Variants in CD3G observed in about 807,000 individuals in gnomAD.
CD3G encodes the protein T-cell surface glycoprotein CD3 gamma chain.
Under a neutral mutation model 28.3 loss-of-function variants are expected in CD3G, and 24 were observed. The ratio of observed to expected loss-of-function variants is 0.85; its 90% CI spans 0.61 to 1.19. The LOEUF (loss-of-function observed/expected upper bound fraction) is 1.19, where lower values mean the gene tolerates loss of function less well. Among genes scored for constraint, CD3G ranks in the 50% most tolerant of loss-of-function variants. CD3G has a pLI of 0.00. For missense variants in CD3G, 211 were observed against 210.0 expected, an observed-to-expected ratio of 1.00 and a Z score of -0.03; for synonymous variants, 71 against 75.9, an observed-to-expected ratio of 0.93 and a Z score of 0.34.
intron 5 of CD3G, among the ~76,000 whole-genome samples, 167 bp downstream of exon 5, chr11:118,351,838 G>A (rs1034992448): frequency 5.9e-5 from 9 of 152,048 alleles, no homozygotes; most frequent in Admixed American, 5.2e-4. Context: ...GAGAAGGATT[G>A]ACAGAGACTG....
At chr11:118,345,562 A>C (rs1430488224) in intron 1 of CD3G, among the ~76,000 whole-genome samples, 1 of 152,124 alleles carries the variant, frequency 6.6e-6, no homozygotes, top group Admixed American at 6.6e-5. Context: ...TAGGTAGAGG[A>C]GGAAGTAGAG....
Position 118,351,615 on chromosome 11 carries a change from CT to C in CD3G, c.440-7del, listed in dbSNP as rs747939880. 2.3e-5 allele frequency: 37 copies of C among 1,613,528 alleles called. No homozygotes were observed. The highest frequency in any genetic ancestry group is 2.9e-5 in the Non-Finnish European group (34 of 1,179,766). Reference sequence around the variant, plus strand: ...ATTCTACCTTGTGTGGATTCTGTTTCTTTTTTGTGCAGCTTCAGACAAGCAG... The same window carrying C: ...ATTCTACCTTGTGTGGATTCTGTTTCTTTTTGTGCAGCTTCAGACAAGCAG... On this transcript the variant is annotated splice_polypyrimidine_tract_variant and intron_variant, in intron 4 of 6. Coordinates refer to ENST00000532917, the MANE Select transcript of CD3G (RefSeq NM_000073.3).
intron 4 of CD3G, among the ~76,000 whole-genome samples, chr11:118,351,293 C>T (rs1443394054): frequency 6.6e-6 from 1 of 151,628 alleles, no homozygotes. Context: ...TACACCCATG[C>T]AGCCAGCACA....
intron 1 of CD3G, among the ~76,000 whole-genome samples, chr11:118,348,639 G>A (rs1277621317): frequency 2.0e-5 from 3 of 152,066 alleles, no homozygotes; most frequent in African/African-American, 4.8e-5. Flanking sequence ...TCCCTTCCTG[G>A]GGCTGATACC....
At chr11:118,344,928 A>G (rs372476258) in intron 1 of CD3G, among the ~76,000 whole-genome samples, 3 of 152,370 alleles carry the variant, frequency 2.0e-5, no homozygotes, top group Non-Finnish European at 4.4e-5. Context: ...AGGAAATAAA[A>G]ATGAATAAAA....
intron 1 of CD3G, among the ~76,000 whole-genome samples, chr11:118,345,653 G>T (rs2134065101): frequency 6.6e-6 from 1 of 152,312 alleles, no homozygotes; most frequent in South Asian, 2.1e-4. Context: ...GTAGAGCAAG[G>T]TCCTGGAGTT....
chr11:118,349,112 A>G, intron 2 of CD3G, 62 bp downstream of exon 2: 2 of 1,614,020 alleles, frequency 1.2e-6, no homozygotes, highest in Middle Eastern at 1.7e-4. Context: ...TTGGCTTCCT[A>G]CAACAGTAGT....
intron 6 of CD3G, among the ~76,000 whole-genome samples, chr11:118,352,793 G>C (rs931374801): frequency 3.3e-5 from 5 of 152,056 alleles, no homozygotes; most frequent in African/African-American, 1.2e-4. Context: ...TAACATTTTG[G>C]GCTAATTAAT....
chr11:118,344,940 A>C (rs1262064924), intron 1 of CD3G, among the ~76,000 whole-genome samples: 1 of 152,184 alleles, frequency 6.6e-6, no homozygotes, highest in Non-Finnish European at 1.5e-5. Flanking sequence ...TGAATAAAAC[A>C]CTTATGCTCT....
In CD3G at chr11:118,353,218, T is replaced by C. The variant is rs1389887886; in HGVS notation, c.*118T>C. 6.6e-6 allele frequency: 1 copy of C among 152,096 alleles called. No homozygotes were observed. Among genetic ancestry groups the C allele is most frequent in the Non-Finnish European group, 1.5e-5 (1 of 68,046 alleles). 9.4% of individuals were successfully genotyped at this position (152,096 alleles called of 1,614,324 possible). ...TCAGCCCTAAATCTAGACTCAAGGT[T>C]CCCAGAGATGACAAATGGAGAAGAA... On this transcript the variant is annotated 3_prime_UTR_variant, in exon 7 of 7. Transcript: ENST00000532917.
intron 5 of CD3G, 87 bp from the exon 6 acceptor site, chr11:118,352,317 C>T: frequency 8.9e-7 from 1 of 1,117,568 alleles, no homozygotes; most frequent in Non-Finnish European, 1.4e-6. Context: ...TCCAAATTCT[C>T]ACATATAAAA....
chr11:118,351,775 G>A, intron 5 of CD3G, 104 bp downstream of exon 5: 1 of 993,238 alleles, frequency 1.0e-6, no homozygotes, highest in Non-Finnish European at 1.6e-6. Context: ...GTAAGAAACT[G>A]CTAACAGCAT....
At chr11:118,349,476 G>A in intron 2 of CD3G, 9 of 606,074 alleles carry the variant, frequency 1.5e-5, no homozygotes, top group Non-Finnish European at 2.8e-6. Flanking sequence ...AAATCCCAAA[G>A]TTTTACCCCT....
intron 3 of CD3G, 167 bp downstream of exon 3, chr11:118,350,137 C>T: frequency 3.1e-6 from 2 of 653,250 alleles, no homozygotes; most frequent in Non-Finnish European, 5.3e-6. Context: ...ATACTTCCCT[C>T]ACCCTATTGA....
intron 1 of CD3G, 106 bp from the exon 2 acceptor site, chr11:118,348,921 A>C (rs1948380748): frequency 7.8e-7 from 1 of 1,275,796 alleles, no homozygotes; most frequent in Non-Finnish European, 1.1e-6. Flanking sequence ...ATTTTCATGG[A>C]TTTGGATCTT....
intron 1 of CD3G, among the ~76,000 whole-genome samples, chr11:118,345,828 T>TA (rs1315508757): frequency 1.3e-5 from 2 of 152,152 alleles, no homozygotes; most frequent in Non-Finnish European, 2.9e-5. Context: ...TTCCGTGTTC[T>TA]AAAAAATCCA....
At chr11:118,349,297 T>G in intron 2 of CD3G, 1 of 1,419,336 alleles carries the variant, frequency 7.0e-7, no homozygotes, top group African/African-American at 1.4e-5. Context: ...GGGACACATC[T>G]CAAACTGTGA....
At chr11:118,350,707 A>T in intron 4 of CD3G, 24 bp downstream of exon 4, 1 of 1,613,550 alleles carries the variant, frequency 6.2e-7, no homozygotes, top group South Asian at 1.1e-5. Context: ...CTTAGATGAG[A>T]GATGGGACCA....
At chr11:118,345,060 T>C (rs1948343266) in intron 1 of CD3G, among the ~76,000 whole-genome samples, 1 of 152,190 alleles carries the variant, frequency 6.6e-6, no homozygotes, top group East Asian at 1.9e-4. Context: ...CAATAGGAAG[T>C]GGATGAACTG....
Sources: allele counts gnomAD v4.1 joint callset (sites outside exome capture counted in the v4.1 genomes callset), GRCh38; gene constraint gnomAD v4.1.1; transcripts MANE v1.5; gene names NCBI Gene and HGNC (gene_info 2026-07-23, HGNC 2026-07-21).